ZFAT: variants seen among roughly 807,000 people sequenced by gnomAD.
ZFAT encodes zinc finger and AT-hook domain containing, also known as zinc finger protein ZFAT.
In ZFAT, 64 loss-of-function variants were observed where a neutral mutation model predicts 117.7. That is an observed-to-expected ratio of 0.54 (90% confidence interval 0.44 to 0.67). The LOEUF is 0.67. Among genes scored for constraint, ZFAT ranks in the 30% least tolerant of loss-of-function variants. The pLI, the probability that ZFAT is intolerant of heterozygous loss-of-function variation, is 0.00. For synonymous variants in ZFAT, 679 were observed against 615.0 expected, an observed-to-expected ratio of 1.10 and a Z score of -1.54; for missense variants, 1,433 against 1,584.5, an observed-to-expected ratio of 0.90 and a Z score of 1.62.
At chr8:134,494,011 T>A (rs962579221) in intron 15 of ZFAT, among the ~76,000 whole-genome samples, 1 of 152,248 alleles carries the variant, frequency 6.6e-6, no homozygotes, top group Non-Finnish European at 1.5e-5. Context: ...GACACATTTA[T>A]TGTGCATAAT....
At chr8:134,671,846 T>A (rs1832576662) in intron 1 of ZFAT, among the ~76,000 whole-genome samples, 1 of 152,218 alleles carries the variant, frequency 6.6e-6, no homozygotes, top group Non-Finnish European at 1.5e-5. Flanking sequence ...ATTGTATATT[T>A]AGAAAACCCC....
the ZFAT span, among the ~76,000 whole-genome samples, chr8:134,733,742 C>T: frequency 9.2e-5 from 14 of 152,214 alleles, 1 homozygote; most frequent in Admixed American, 1.3e-4. Flanking sequence ...ATCTTTGTCT[C>T]GTCCTTGGTA....
At chr8:134,531,440 A>G (rs562729887) in intron 12 of ZFAT, among the ~76,000 whole-genome samples, 53 of 152,336 alleles carry the variant, frequency 3.5e-4, no homozygotes, top group Non-Finnish European at 7.1e-4. Flanking sequence ...ATGGCTCCAC[A>G]ATTCCTAGAT....
intron 10 of ZFAT, among the ~76,000 whole-genome samples, chr8:134,567,698 CCT>C (rs1250389662): frequency 6.6e-6 from 1 of 151,864 alleles, no homozygotes; most frequent in Non-Finnish European, 1.5e-5. Context: ...CCACCCCACC[CCT>C]CTCTCTGACT....
intron 1 of ZFAT, among the ~76,000 whole-genome samples, chr8:134,689,714 G>A (rs1351622655): frequency 6.6e-6 from 1 of 152,158 alleles, no homozygotes; most frequent in Non-Finnish European, 1.5e-5. Flanking sequence ...TTCTTAAAAG[G>A]TACTAGGCAC....
chr8:134,653,493 G>A (rs1831410250), intron 2 of ZFAT, among the ~76,000 whole-genome samples: 1 of 141,118 alleles, frequency 7.1e-6, no homozygotes, highest in African/African-American at 2.6e-5. Context: ...TCAAACTCCT[G>A]GGCTCAAGTG....
At chr8:134,744,546 C>G in the ZFAT span, among the ~76,000 whole-genome samples, 1 of 151,678 alleles carries the variant, frequency 6.6e-6, no homozygotes, top group Admixed American at 6.6e-5. Context: ...TCCACCTGCC[C>G]CAGCCTCCCA....
intron 1 of ZFAT, among the ~76,000 whole-genome samples, chr8:134,704,182 C>T (rs373794411): frequency 3.9e-5 from 6 of 152,280 alleles, no homozygotes; most frequent in South Asian, 2.1e-4. Flanking sequence ...GCTCTCTCCC[C>T]GAGGAAGGGT....
chr8:134,692,088 C>G (rs1416236779), intron 1 of ZFAT, among the ~76,000 whole-genome samples: 2 of 152,152 alleles, frequency 1.3e-5, no homozygotes, highest in Non-Finnish European at 2.9e-5. Context: ...ACTCCCACCT[C>G]AGCCTCCCAA....
At chr8:134,670,660 A>C (rs1474682256) in intron 1 of ZFAT, among the ~76,000 whole-genome samples, 3 of 152,268 alleles carry the variant, frequency 2.0e-5, no homozygotes, top group African/African-American at 7.2e-5. Flanking sequence ...GGGAAGAACT[A>C]AAATTGACAC....
intron 11 of ZFAT, among the ~76,000 whole-genome samples, chr8:134,556,073 A>AAGGG (rs1327440790): frequency 9.1e-6 from 1 of 109,656 alleles, no homozygotes; most frequent in Non-Finnish European, 1.8e-5. Context: ...GGAAGGAAGG[A>AAGGG]AGGGAAGGAA....
At chr8:134,551,236 T>C (rs1823145148) in intron 11 of ZFAT, among the ~76,000 whole-genome samples, 1 of 152,222 alleles carries the variant, frequency 6.6e-6, no homozygotes, top group South Asian at 2.1e-4. Context: ...AAATCCCAAC[T>C]CTAGCTCATA....
At chr8:134,603,632 T>C (rs1236232476) in intron 5 of ZFAT, among the ~76,000 whole-genome samples, 1 of 152,186 alleles carries the variant, frequency 6.6e-6, no homozygotes, top group African/African-American at 2.4e-5. Context: ...AACCAATGTG[T>C]TTGATTGGTG....
At chr8:134,663,395 G>C (rs78396805) in intron 1 of ZFAT, among the ~76,000 whole-genome samples, 8,726 of 152,260 alleles carry the variant, frequency 0.057, 390 homozygotes, top group Non-Finnish European at 0.082. Flanking sequence ...TTTATGAATA[G>C]ATGGAAGGAA....
chr8:134,478,386 C>T lies in ZFAT; in HGVS notation c.*96G>A. ...GGGCAGGGAGGGCAAAGGAGAGCACCATTCTGCGGGTAGGGCAGGAAGGGT... is the reference window on the plus strand; with the variant it reads ...GGGCAGGGAGGGCAAAGGAGAGCACTATTCTGCGGGTAGGGCAGGAAGGGT... On this transcript the variant is annotated 3_prime_UTR_variant, in exon 16 of 16. Coordinates refer to ENST00000377838, the MANE Select transcript of ZFAT (RefSeq NM_020863.4). This position sits in a 1 kb window ranked among gnomAD's most constrained non-coding sequence, Gnocchi z 5.2. 6 of 1,478,366 alleles carry T rather than the reference C, an allele frequency of 4.1e-6. No individual in the cohort carries two copies. The highest frequency in any genetic ancestry group is 5.4e-6 in the Non-Finnish European group (6 of 1,111,132). 91.6% of individuals were successfully genotyped at this position (1,478,366 alleles called of 1,614,324 possible).
the ZFAT span, among the ~76,000 whole-genome samples, chr8:134,782,277 C>T: frequency 2.6e-5 from 4 of 152,310 alleles, no homozygotes; most frequent in South Asian, 8.3e-4. Context: ...ATTAAGAGAA[C>T]TTGATGTCTC....
rs781768568 is a variant in ZFAT at position 134,478,473 on chromosome 8, A to C, written c.*9T>G. On this transcript the variant is annotated 3_prime_UTR_variant, in exon 16 of 16. Transcript: ENST00000377838. This position sits in a 1 kb window ranked among gnomAD's most constrained non-coding sequence, Gnocchi z 5.2. ...CCCCGCCCTGTGGCCATCCGATGCC[A>C]CATGTCCTCTAGAGTTCCTGGGCCG... 5.8e-6 allele frequency: 9 copies of C among 1,556,742 alleles called. No individual in the cohort carries two copies. Among genetic ancestry groups the C allele is most frequent in the African/African-American group, 1.4e-5 (1 of 73,262 alleles).
intron 8 of ZFAT, among the ~76,000 whole-genome samples, 153 bp downstream of exon 8, chr8:134,590,115 C>T (rs1024493749): frequency 1.3e-5 from 2 of 152,190 alleles, no homozygotes; most frequent in African/African-American, 4.8e-5. Flanking sequence ...CATCAACTTC[C>T]CAGCGTCGAA....
intron 3 of ZFAT, among the ~76,000 whole-genome samples, chr8:134,615,068 G>A (rs1466247524): frequency 6.6e-6 from 1 of 152,186 alleles, no homozygotes; most frequent in African/African-American, 2.4e-5. Context: ...CAACCCACTG[G>A]ACCACACCAG....
Sources: gnomAD v4.1 joint callset for allele counts (sites outside exome capture counted in the v4.1 genomes callset) on GRCh38, gnomAD v4.1.1 for gene constraint, Gnocchi (gnomAD v3.1) non-coding constraint, MANE v1.5 for transcripts, NCBI Gene and HGNC (gene_info 2026-07-23, HGNC 2026-07-21) for gene names.